The following DSCAM variants were observed in gnomAD, a reference collection of about 807,000 sequenced individuals.
DSCAM encodes cell adhesion molecule DSCAM.
DSCAM carries 47 observed loss-of-function variants against 217.7 expected under a neutral mutation model. The observed-to-expected ratio is 0.22, with a 90% confidence interval of 0.17 to 0.28. The LOEUF is 0.28. Among genes scored for constraint, DSCAM ranks in the 10% least tolerant of loss-of-function variants. The probability of loss-of-function intolerance (pLI) is 1.00; values close to 1 mark genes in which losing one functional copy is unlikely to be tolerated. For synonymous variants in DSCAM, 1,056 were observed against 1,015.3 expected (o/e 1.04, Z -0.76); for missense variants, 2,080 against 2,618.3 (o/e 0.79, Z 4.49).
At chr21:40,531,019 C>T (rs2076441765) in intron 3 of DSCAM, among the ~76,000 whole-genome samples, 1 of 152,148 alleles carries the variant, frequency 6.6e-6, no homozygotes, top group South Asian at 2.1e-4. Flanking sequence ...ACAAGGAGTG[C>T]CCTGCTTCTG....
rs139863546 is a variant in DSCAM at position 40,303,628 on chromosome 21, C to T, written c.2063-7454G>A. On this transcript the variant is annotated intron_variant, in intron 9 of 32. Coordinates refer to ENST00000400454, the MANE Select transcript of DSCAM (RefSeq NM_001389.5). ...TTTATTTTAATCACCATGGTATCCTCGGCACTCATAACAGCACCTATTATA... is the reference window on the plus strand; with the variant it reads ...TTTATTTTAATCACCATGGTATCCTTGGCACTCATAACAGCACCTATTATA... 6.0e-4 allele frequency among the ~76,000 whole-genome samples: 92 copies of T among 152,128 alleles called. No homozygotes were observed. The East Asian group carries it at 0.015, about 24-fold the overall frequency.
At chr21:40,268,431 G>A (rs967657581) in intron 11 of DSCAM, among the ~76,000 whole-genome samples, 2 of 152,148 alleles carry the variant, frequency 1.3e-5, no homozygotes, top group Non-Finnish European at 2.9e-5. Context: ...GGAAGGTAAT[G>A]GCTGATTGAG....
At chr21:40,708,369 G>A in intron 2 of DSCAM, 85 bp downstream of exon 2, 1 of 1,182,542 alleles carries the variant, frequency 8.5e-7, no homozygotes, top group Non-Finnish European at 1.1e-6. Context: ...GTTCTCTGCT[G>A]TGATGGCATT....
chr21:40,110,764 G>A (rs970013216), intron 20 of DSCAM, among the ~76,000 whole-genome samples: 4 of 152,212 alleles, frequency 2.6e-5, no homozygotes, highest in South Asian at 2.1e-4. Flanking sequence ...ACTACGTGAC[G>A]AATGCACAAG....
At chr21:40,222,201 T>C (rs2091294358) in intron 11 of DSCAM, among the ~76,000 whole-genome samples, 1 of 152,202 alleles carries the variant, frequency 6.6e-6, no homozygotes, top group Admixed American at 6.5e-5. Flanking sequence ...TTTAAAGATA[T>C]TTTGGATGAC....
intron 19 of DSCAM, among the ~76,000 whole-genome samples, chr21:40,129,338 G>A (rs1290031945): frequency 6.6e-6 from 1 of 152,180 alleles, no homozygotes; most frequent in East Asian, 1.9e-4. Flanking sequence ...TAAGACTCTA[G>A]TATTTTTGGC....
intron 11 of DSCAM, among the ~76,000 whole-genome samples, chr21:40,222,180 C>A (rs1417130532): frequency 1.3e-5 from 2 of 152,160 alleles, no homozygotes; most frequent in South Asian, 2.1e-4. Flanking sequence ...GCTTAACACA[C>A]CTTCCCAATA....
chr21:40,794,856 T>G (rs1446991964), intron 1 of DSCAM, among the ~76,000 whole-genome samples: 2 of 145,778 alleles, frequency 1.4e-5, no homozygotes, highest in Admixed American at 7.0e-5. Flanking sequence ...TTGCCTGGAC[T>G]GATAATCTTC....
intron 32 of DSCAM, among the ~76,000 whole-genome samples, chr21:40,017,130 A>T (rs2088173233): frequency 6.6e-6 from 1 of 151,948 alleles, no homozygotes; most frequent in Non-Finnish European, 1.5e-5. Flanking sequence ...AGTATAAGAG[A>T]ACTAAAAATA....
chr21:40,291,672 C>A (rs983906324), intron 10 of DSCAM, among the ~76,000 whole-genome samples: 1 of 152,152 alleles, frequency 6.6e-6, no homozygotes, highest in Non-Finnish European at 1.5e-5. Flanking sequence ...CAGGACTCAT[C>A]TGTCTTTAAG....
At chr21:40,146,139 C>G (rs1408390818) in intron 16 of DSCAM, among the ~76,000 whole-genome samples, 1 of 151,990 alleles carries the variant, frequency 6.6e-6, no homozygotes, top group Non-Finnish European at 1.5e-5. Context: ...CACTTAAGAA[C>G]CTGTAGAGAA....
At chr21:40,611,257 C>G (rs1375784580) in intron 3 of DSCAM, among the ~76,000 whole-genome samples, 1 of 151,856 alleles carries the variant, frequency 6.6e-6, no homozygotes, top group Non-Finnish European at 1.5e-5. Context: ...CTGGGTTTTA[C>G]CATGCTGGCC....
At chr21:40,441,235 C>A (rs1276025721) in intron 3 of DSCAM, among the ~76,000 whole-genome samples, 1 of 152,172 alleles carries the variant, frequency 6.6e-6, no homozygotes, top group African/African-American at 2.4e-5. Flanking sequence ...GAAGACATGA[C>A]CCAAGAAGAC....
intron 11 of DSCAM, among the ~76,000 whole-genome samples, chr21:40,198,089 T>G (rs1303481057): frequency 6.6e-6 from 1 of 152,118 alleles, no homozygotes; most frequent in Non-Finnish European, 1.5e-5. Flanking sequence ...CTTTCTCAGC[T>G]GCAAGGCAAG....
Position 40,826,925 on chromosome 21 carries a change from T to C in DSCAM, c.43+19694A>G, listed in dbSNP as rs777729452. Among the ~76,000 whole-genome samples, 18 of 152,114 alleles carry C rather than the reference T, an allele frequency of 1.2e-4. 1 individual carries two copies. The highest frequency in any genetic ancestry group is 3.3e-4 in the Admixed American group (5 of 15,290). On this transcript the variant is annotated intron_variant, in intron 1 of 32. Transcript: ENST00000400454. The stretch of plus-strand genomic sequence containing the variant: ...GATACGAATATGGAAGTCATCAGCA[T>C]AGAGAGGGCATTTAATGCCTTGACC...
At chr21:40,118,262 G>C (rs2089995218) in intron 20 of DSCAM, among the ~76,000 whole-genome samples, 1 of 152,290 alleles carries the variant, frequency 6.6e-6, no homozygotes, top group East Asian at 1.9e-4. Context: ...CTTCTGACTT[G>C]GTTTTGATTC....
intron 11 of DSCAM, among the ~76,000 whole-genome samples, chr21:40,264,200 C>T (rs1370384278): frequency 6.6e-6 from 1 of 152,154 alleles, no homozygotes; most frequent in Admixed American, 6.5e-5. Context: ...CTAACTTATT[C>T]TATGAAGCCA....
At position 40,293,360 on chromosome 21, in the gene DSCAM, T is replaced by C. The variant is rs373134065; in HGVS notation, c.2182+2695A>G. On this transcript the variant is annotated intron_variant, in intron 10 of 32. Coordinates refer to ENST00000400454, the MANE Select transcript of DSCAM (RefSeq NM_001389.5). ...AAAGGAAGTTGACACTATAGCTTGG[T>C]GGCCATCGTTTGAGGATGAAGAATG... Among the ~76,000 whole-genome samples the C allele has an allele frequency of 6.2e-4, 95 of 152,196 alleles. No individual in the cohort carries two copies. The South Asian group carries it at 8.9e-3, about 14-fold the overall frequency.
intron 20 of DSCAM, among the ~76,000 whole-genome samples, chr21:40,106,363 A>C (rs1291285813): frequency 6.6e-6 from 1 of 152,156 alleles, no homozygotes; most frequent in African/African-American, 2.4e-5. Context: ...GTATTGCTGG[A>C]TTCAGTTTTT....
Sources: allele counts gnomAD v4.1 joint callset (sites outside exome capture counted in the v4.1 genomes callset), GRCh38; gene constraint gnomAD v4.1.1; transcripts MANE v1.5; gene names NCBI Gene and HGNC (gene_info 2026-07-23, HGNC 2026-07-21).